AGBL3: variants seen among roughly 807,000 people sequenced by gnomAD.
The protein encoded by AGBL3 is AGBL carboxypeptidase 3.
A neutral mutation model predicts 94.5 loss-of-function variants in AGBL3; 68 were observed. The observed-to-expected ratio is 0.72, with a 90% CI of 0.59 to 0.88. The LOEUF (loss-of-function observed/expected upper bound fraction) is 0.88. Ranked by LOEUF, AGBL3 falls within the 40% of genes least tolerant of loss-of-function variation. The pLI is 0.00. For synonymous variants in AGBL3, 354 were observed against 370.7 expected, an observed-to-expected ratio of 0.95 and a Z score of 0.52; for missense variants, 934 against 1,103.8, an observed-to-expected ratio of 0.85 and a Z score of 2.18.
chr7:135,083,583 T>C (rs1212261335), intron 15 of AGBL3, among the ~76,000 whole-genome samples: 1 of 152,186 alleles, frequency 6.6e-6, no homozygotes, highest in Non-Finnish European at 1.5e-5. Context: ...GATACAACAC[T>C]ATTTTGTATC....
intron 10 of AGBL3, 78 bp from the exon 11 acceptor site, chr7:135,045,721 G>T: frequency 7.5e-7 from 1 of 1,332,060 alleles, no homozygotes; most frequent in Non-Finnish European, 1.0e-6. Flanking sequence ...AATTGTTCCA[G>T]GTGTCTATAA....
chr7:134,999,002 TC>T (rs775885613), intron 4 of AGBL3, among the ~76,000 whole-genome samples: 4 of 152,146 alleles, frequency 2.6e-5, no homozygotes, highest in African/African-American at 4.8e-5. Context: ...TGTCAGCCCT[TC>T]CTGCCTTTAT....
chr7:135,094,023 A>C (rs1822266640), intron 15 of AGBL3: 1 of 187,632 alleles, frequency 5.3e-6, no homozygotes, highest in Non-Finnish European at 1.1e-5. Context: ...AGCAAATGGT[A>C]CTGGGACAAC....
At chr7:135,021,779 C>A (rs1814513510) in intron 5 of AGBL3, among the ~76,000 whole-genome samples, 1 of 150,074 alleles carries the variant, frequency 6.7e-6, no homozygotes. Context: ...GTTTTAAGCT[C>A]CATGTACATT....
At position 134,993,501 on chromosome 7, in the gene AGBL3, T is replaced by TA; in HGVS notation, c.133_134insA (p.Phe45TyrfsTer3). 1 of 1,546,532 alleles carries TA rather than the reference T, an allele frequency of 6.5e-7. No homozygotes were observed. ...TTGAATCTTTTTCTCAGCTGACTCTTTTGGTGATCCCTTCTTCCCCCGGAC... is the reference window on the plus strand; with the variant it reads ...TTGAATCTTTTTCTCAGCTGACTCTTATTGGTGATCCCTTCTTCCCCCGGAC... On this transcript the variant is annotated frameshift_variant, in exon 4 of 17. Transcript: ENST00000436302. LOFTEE classifies it high-confidence loss of function.
At chr7:135,082,485 A>G (rs1820999781) in intron 15 of AGBL3, among the ~76,000 whole-genome samples, 1 of 151,378 alleles carries the variant, frequency 6.6e-6, no homozygotes, top group Non-Finnish European at 1.5e-5. Flanking sequence ...AGTATTGCAG[A>G]TGTTGTCTAA....
intron 12 of AGBL3, among the ~76,000 whole-genome samples, chr7:135,074,947 A>C (rs1165747895): frequency 8.4e-6 from 1 of 119,708 alleles, no homozygotes; most frequent in African/African-American, 2.9e-5. Context: ...TAAAAATGTT[A>C]ACTTTTAAAG....
At chr7:135,005,774 G>A (rs1812308464) in intron 4 of AGBL3, among the ~76,000 whole-genome samples, 1 of 151,780 alleles carries the variant, frequency 6.6e-6, no homozygotes, top group African/African-American at 2.4e-5. Flanking sequence ...GAACTCAGAA[G>A]TAGAACCACA....
chr7:135,032,740 A>G (rs1386027012), intron 5 of AGBL3, 104 bp from the exon 6 acceptor site: 1 of 1,124,742 alleles, frequency 8.9e-7, no homozygotes, highest in Non-Finnish European at 1.2e-6. Flanking sequence ...GTTACTTTAA[A>G]ATTTACAATC....
rs115395740 is a variant in AGBL3, at chr7:135,125,351, G to A, written c.2343-9490G>A. Reference sequence around the variant, plus strand: ...CCTCCCAAGACTAAACCAAGAAGTCGGATCCCTGAATAGACCAATAGCAAG... The same window carrying A: ...CCTCCCAAGACTAAACCAAGAAGTCAGATCCCTGAATAGACCAATAGCAAG... On this transcript the variant is annotated intron_variant, in intron 16 of 16. Coordinates refer to ENST00000436302, the MANE Select transcript of AGBL3 (RefSeq NM_178563.4). Among the ~76,000 whole-genome samples, 603 of 152,034 alleles carry A rather than the reference G, an allele frequency of 4.0e-3. 3 individuals are homozygous for A. The highest frequency in any genetic ancestry group is 0.013 in the African/African-American group (546 of 41,490).
chr7:135,025,215 C>T (rs958919669), intron 5 of AGBL3, among the ~76,000 whole-genome samples: 5 of 151,308 alleles, frequency 3.3e-5, no homozygotes, highest in Non-Finnish European at 7.4e-5. Context: ...TTAAAGGCAG[C>T]GAGAGAGAAG....
At chr7:135,071,418 G>C (rs562292177) in intron 12 of AGBL3, among the ~76,000 whole-genome samples, 1 of 152,146 alleles carries the variant, frequency 6.6e-6, no homozygotes, top group African/African-American at 2.4e-5. Flanking sequence ...CTACTTTAAA[G>C]TTCATATGGA....
intron 11 of AGBL3, among the ~76,000 whole-genome samples, chr7:135,048,772 G>A (rs1817609454): frequency 1.3e-5 from 2 of 148,470 alleles, no homozygotes; most frequent in African/African-American, 2.5e-5. Flanking sequence ...TTTTAATGGA[G>A]TCCATAGGGT....
intron 15 of AGBL3, among the ~76,000 whole-genome samples, chr7:135,106,777 C>T (rs1186509282): frequency 6.6e-6 from 1 of 152,124 alleles, no homozygotes; most frequent in Non-Finnish European, 1.5e-5. Flanking sequence ...GAAATAGTTT[C>T]AGTAGGAATG....
chr7:135,127,550 TAAA>T (rs34308951), intron 16 of AGBL3, among the ~76,000 whole-genome samples: 74 of 146,430 alleles, frequency 5.1e-4, no homozygotes, highest in Admixed American at 1.1e-3. Context: ...AGTCTCCGTC[TAAA>T]AAAAAAAAAA....
At chr7:135,124,450 G>A (rs1179568443) in intron 16 of AGBL3, among the ~76,000 whole-genome samples, 1 of 152,186 alleles carries the variant, frequency 6.6e-6, no homozygotes, top group Non-Finnish European at 1.5e-5. Flanking sequence ...AATAGTGGAA[G>A]ACTTTAACAC....
intron 13 of AGBL3, among the ~76,000 whole-genome samples, chr7:135,077,848 G>A (rs778663488): frequency 1.3e-5 from 2 of 152,204 alleles, no homozygotes; most frequent in African/African-American, 2.4e-5. Flanking sequence ...ACCAGTCTCA[G>A]GTGTTTCCTA....
intron 12 of AGBL3, among the ~76,000 whole-genome samples, chr7:135,060,616 AT>A (rs201396994): frequency 5.3e-5 from 8 of 150,738 alleles, no homozygotes; most frequent in South Asian, 2.1e-4. Flanking sequence ...TGAATTCAGC[AT>A]TTTTTTTTAA....
chr7:135,052,750 G>A (rs1180042749), intron 11 of AGBL3, among the ~76,000 whole-genome samples: 2 of 152,238 alleles, frequency 1.3e-5, no homozygotes, highest in Admixed American at 6.5e-5. Flanking sequence ...AAGATAATGT[G>A]TAAGTAAATC....
Sources: gnomAD v4.1 joint callset for allele counts (sites outside exome capture counted in the v4.1 genomes callset) on GRCh38, gnomAD v4.1.1 for gene constraint, MANE v1.5 for transcripts, NCBI Gene and HGNC (gene_info 2026-07-23, HGNC 2026-07-21) for gene names.